The following CERS6 variants were observed in gnomAD, a reference collection of about 807,000 sequenced individuals.
CERS6 encodes ceramide synthase 6, also known as LAG1 homolog, ceramide synthase 6.
In CERS6, 26 loss-of-function variants were observed where a neutral mutation model predicts 56.8. The ratio of observed to expected loss-of-function variants is 0.46; its 90% CI spans 0.34 to 0.63. The LOEUF is 0.63. Among genes scored for constraint, CERS6 ranks in the 30% least tolerant of loss-of-function variants. CERS6 has a pLI of 0.01. For synonymous variants in CERS6, 164 were observed against 173.3 expected (o/e 0.95, Z 0.42); for missense variants, 415 against 467.5 (o/e 0.89, Z 1.04).
At chr2:168,737,173 A>G (rs1396041233) in intron 8 of CERS6, among the ~76,000 whole-genome samples, 1 of 152,206 alleles carries the variant, frequency 6.6e-6, no homozygotes, top group Non-Finnish European at 1.5e-5. Context: ...CTAGGATGAC[A>G]GCATCTTCCA....
At chr2:168,701,450 A>G (rs1559058359) in intron 6 of CERS6, among the ~76,000 whole-genome samples, 1 of 152,184 alleles carries the variant, frequency 6.6e-6, no homozygotes, top group Admixed American at 6.5e-5. Flanking sequence ...CCCAGTGTTG[A>G]AATTTTCACT....
At chr2:168,598,339 G>A (rs898078675) in intron 3 of CERS6, among the ~76,000 whole-genome samples, 2 of 152,034 alleles carry the variant, frequency 1.3e-5, no homozygotes, top group Non-Finnish European at 2.9e-5. Context: ...TTTTTGGGGG[G>A]AAGAGAAAAC....
chr2:168,541,278 T>G (rs1695364143), intron 1 of CERS6, among the ~76,000 whole-genome samples: 1 of 152,220 alleles, frequency 6.6e-6, no homozygotes, highest in African/African-American at 2.4e-5. Context: ...AACATGAGGT[T>G]TGGTGGGCAC....
chr2:168,477,117 CT>C lies in CERS6; in HGVS notation c.170+20508del, dbSNP rs78491165. Reference sequence around the variant, plus strand: ...TTCCTGGTTTGCAGAGGCTCTTTGTCTTTTTTTTTGTATACTCACATGGTAG... The same window carrying C: ...TTCCTGGTTTGCAGAGGCTCTTTGTCTTTTTTTTGTATACTCACATGGTAG... On this transcript the variant is annotated intron_variant, in intron 1 of 9. Coordinates refer to ENST00000305747, the MANE Select transcript of CERS6 (RefSeq NM_203463.3). Among the ~76,000 whole-genome samples, 99 of 145,666 alleles carry C rather than the reference CT, an allele frequency of 6.8e-4. 1 individual carries two copies. Among genetic ancestry groups the C allele is most frequent in the Middle Eastern group, 3.5e-3 (1 of 284 alleles).
intron 3 of CERS6, among the ~76,000 whole-genome samples, chr2:168,623,742 T>C (rs917943295): frequency 6.6e-6 from 1 of 152,194 alleles, no homozygotes; most frequent in Non-Finnish European, 1.5e-5. Context: ...AAGAATACTA[T>C]ACTCAAAAAA....
chr2:168,561,381 G>A, intron 3 of CERS6, 59 bp downstream of exon 3: 1 of 1,601,378 alleles, frequency 6.2e-7, no homozygotes, highest in South Asian at 1.1e-5. Context: ...CAACCCTGAG[G>A]TGAAAAATAA....
At chr2:168,671,561 G>A (rs75086283) in intron 4 of CERS6, among the ~76,000 whole-genome samples, 5,758 of 152,192 alleles carry the variant, frequency 0.038, 108 homozygotes, top group African/African-American at 0.042. Context: ...ACAGTGAATC[G>A]TGAGTCTCAT....
At chr2:168,716,358 G>A (rs1687226272) in intron 7 of CERS6, among the ~76,000 whole-genome samples, 1 of 152,102 alleles carries the variant, frequency 6.6e-6, no homozygotes, top group Non-Finnish European at 1.5e-5. Context: ...ACCTAAGGCT[G>A]TACAATCAAT....
At chr2:168,580,709 T>G (rs1574078563) in intron 3 of CERS6, among the ~76,000 whole-genome samples, 1 of 152,168 alleles carries the variant, frequency 6.6e-6, no homozygotes, top group East Asian at 1.9e-4. Flanking sequence ...AATCTCTTGG[T>G]TTTTGTTGTC....
At chr2:168,653,835 T>C (rs1017882936) in intron 4 of CERS6, among the ~76,000 whole-genome samples, 7 of 152,192 alleles carry the variant, frequency 4.6e-5, no homozygotes, top group African/African-American at 1.7e-4. Flanking sequence ...GGAAAATATT[T>C]CTCTTTAATA....
intron 8 of CERS6, among the ~76,000 whole-genome samples, chr2:168,748,841 G>A (rs1684181779): frequency 7.9e-6 from 1 of 126,580 alleles, no homozygotes; most frequent in African/African-American, 2.8e-5. Context: ...TGGGGGGGGG[G>A]CAGGTATTAA....
At chr2:168,603,063 G>A (rs1012251226) in intron 3 of CERS6, among the ~76,000 whole-genome samples, 3 of 152,210 alleles carry the variant, frequency 2.0e-5, no homozygotes, top group African/African-American at 7.2e-5. Context: ...TTCCATGGAA[G>A]GAGAAACAGA....
chr2:168,587,873 T>G lies in CERS6; in HGVS notation c.407+26551T>G, dbSNP rs536783112. On this transcript the variant is annotated intron_variant, in intron 3 of 9. Transcript: ENST00000305747. ...TATAGTAGTATAACATTATTATTCT[T>G]GCCAAAATTTATTGCGCTCCTGCTC... 3.3e-5 allele frequency among the ~76,000 whole-genome samples: 5 copies of G among 152,238 alleles called. No individual in the cohort carries two copies. The South Asian group carries it at 1.0e-3, about 32-fold the overall frequency.
At chr2:168,706,445 A>G (rs561276337) in intron 6 of CERS6, among the ~76,000 whole-genome samples, 1 of 152,338 alleles carries the variant, frequency 6.6e-6, no homozygotes, top group South Asian at 2.1e-4. Context: ...TGCTTATACA[A>G]TGGTTATTTC....
intron 1 of CERS6, among the ~76,000 whole-genome samples, chr2:168,523,586 G>C (rs1053193234): frequency 3.3e-5 from 5 of 152,084 alleles, no homozygotes; most frequent in Admixed American, 2.6e-4. Flanking sequence ...GGCCATTAGG[G>C]ACCCCACTAC....
intron 8 of CERS6, among the ~76,000 whole-genome samples, chr2:168,724,455 A>G (rs1559068395): frequency 6.6e-6 from 1 of 152,010 alleles, no homozygotes; most frequent in Non-Finnish European, 1.5e-5. Context: ...TTATTCTCTT[A>G]TCTGGCCCCA....
chr2:168,592,497 T>C (rs1683696428), intron 3 of CERS6, among the ~76,000 whole-genome samples: 1 of 151,920 alleles, frequency 6.6e-6, no homozygotes, highest in Non-Finnish European at 1.5e-5. Flanking sequence ...GGGTATTTGA[T>C]AGGAGATTAA....
At chr2:168,641,894 TAA>T (rs5836193) in intron 4 of CERS6, among the ~76,000 whole-genome samples, 326 of 147,542 alleles carry the variant, frequency 2.2e-3, no homozygotes, top group East Asian at 0.011. Flanking sequence ...AGTAATGGAA[TAA>T]AAAAAAAAAA....
chr2:168,457,510 G>A (rs1693694391), intron 1 of CERS6, among the ~76,000 whole-genome samples: 1 of 152,128 alleles, frequency 6.6e-6, no homozygotes, highest in Non-Finnish European at 1.5e-5. Context: ...TTCTCTGGGT[G>A]CTACTGAAAG....
Sources: gnomAD v4.1 joint callset for allele counts (sites outside exome capture counted in the v4.1 genomes callset) on GRCh38, gnomAD v4.1.1 for gene constraint, MANE v1.5 for transcripts, NCBI Gene and HGNC (gene_info 2026-07-23, HGNC 2026-07-21) for gene names.